The following GATB variants were observed in gnomAD, a reference collection of about 807,000 sequenced individuals.
The protein encoded by GATB is glutamyl-tRNA(Gln) amidotransferase subunit B, mitochondrial.
Under a neutral mutation model 62.3 loss-of-function variants are expected in GATB, and 39 were observed. The observed-to-expected ratio is 0.63, with a 90% confidence interval of 0.48 to 0.82. GATB has a LOEUF of 0.82. Ranked by LOEUF, GATB falls within the 40% of genes least tolerant of loss-of-function variation. GATB has a pLI of 0.00. For synonymous variants in GATB, 276 were observed against 258.9 expected (o/e 1.07, Z -0.63); for missense variants, 670 against 684.0 (o/e 0.98, Z 0.23).
chr4:151,707,862 C>A, intron 6 of GATB, 126 bp downstream of exon 6: 1 of 651,838 alleles, frequency 1.5e-6, no homozygotes, highest in East Asian at 2.8e-5. Flanking sequence ...GACACAGGAC[C>A]AACAGAACGG....
chr4:151,686,416 G>C (rs12647586), intron 10 of GATB, among the ~76,000 whole-genome samples: 63,321 of 151,750 alleles, frequency 0.42, 13,689 homozygotes, highest in South Asian at 0.57. Flanking sequence ...GCAAACAACT[G>C]TTGGGAGTTA....
chr4:151,671,051 G>T lies in GATB; in HGVS notation c.*123C>A. 1 of 1,112,654 alleles carries T rather than the reference G, an allele frequency of 9.0e-7. No homozygotes were observed. Among genetic ancestry groups the T allele is most frequent in the Non-Finnish European group, 1.3e-6 (1 of 755,458 alleles). 68.9% of individuals were successfully genotyped at this position (1,112,654 alleles called of 1,614,324 possible). ...CTGGTGACATTAATGCCATAGCTGT[G>T]GCTTGGGACAGGGATTGAGAGGCAG... On this transcript the variant is annotated 3_prime_UTR_variant, in exon 13 of 13. Transcript: ENST00000263985.
intron 11 of GATB, chr4:151,676,153 G>T (rs182222793): frequency 6.6e-6 from 1 of 152,142 alleles, no homozygotes; most frequent in South Asian, 2.1e-4. Context: ...CTAATAAAGC[G>T]GGGCCCAGTA....
At chr4:151,697,937 ATGTG>A (rs149235830) in intron 9 of GATB, among the ~76,000 whole-genome samples, 1,305 of 55,502 alleles carry the variant, frequency 0.024, 120 homozygotes, top group South Asian at 0.084. Flanking sequence ...TTTCATATAT[ATGTG>A]TGTGTGTGTG....
At chr4:151,691,297 T>C (rs28483174) in intron 9 of GATB, among the ~76,000 whole-genome samples, 28,902 of 152,086 alleles carry the variant, frequency 0.19, 4,017 homozygotes, top group African/African-American at 0.4. Flanking sequence ...AGAGTCAAGT[T>C]CCCTGGCTGA....
chr4:151,760,969 A>G lies in GATB; in HGVS notation c.14T>C (p.Met5Thr), dbSNP rs755794629. Residue 5 changes from methionine to threonine, a missense_variant, in exon 1 of 13, where the codon ATG becomes ACG. Transcript: ENST00000263985. MAAP[M>T]LRWGCRGRRW... Reference sequence around the variant, plus strand: ...TCTTCCACGGCAGCCCCAGCGCAGCATGGGCGCCGCCATTGTAACTCCAGG... The same window carrying G: ...TCTTCCACGGCAGCCCCAGCGCAGCGTGGGCGCCGCCATTGTAACTCCAGG... 5 of 1,611,106 alleles carry G rather than the reference A, an allele frequency of 3.1e-6. No individual in the cohort carries two copies. In the South Asian group the frequency reaches 3.3e-5, roughly 11 times the overall value.
At chr4:151,684,069 T>A (rs910736223) in intron 10 of GATB, among the ~76,000 whole-genome samples, 3 of 152,096 alleles carry the variant, frequency 2.0e-5, no homozygotes, top group Non-Finnish European at 4.4e-5. Context: ...GCTCAACAGG[T>A]TTCCAATGCC....
chr4:151,709,398 C>T (rs1242985690), intron 5 of GATB, among the ~76,000 whole-genome samples: 1 of 152,212 alleles, frequency 6.6e-6, no homozygotes, highest in African/African-American at 2.4e-5. Context: ...ACTGACTTCT[C>T]AACACTTTTA....
chr4:151,705,732 C>A lies in GATB; in HGVS notation c.878-463G>T, dbSNP rs142295780. ...CATTTACATTATCTTTTCAGAGGGA[C>A]CCACGACCCCAAATGATTAAGATCC... On this transcript the variant is annotated intron_variant, in intron 6 of 12. Coordinates refer to ENST00000263985, the MANE Select transcript of GATB (RefSeq NM_004564.3). 7.9e-5 allele frequency among the ~76,000 whole-genome samples: 12 copies of A among 152,302 alleles called. No individual in the cohort carries two copies. The East Asian group carries it at 2.3e-3, about 29-fold the overall frequency.
At chr4:151,679,231 C>A (rs1351795396) in intron 11 of GATB, among the ~76,000 whole-genome samples, 1 of 152,194 alleles carries the variant, frequency 6.6e-6, no homozygotes, top group Non-Finnish European at 1.5e-5. Context: ...CTGAATTCCA[C>A]GAGTCTGTCA....
intron 2 of GATB, chr4:151,722,973 C>T (rs1015798541): frequency 1.3e-5 from 2 of 152,164 alleles, no homozygotes; most frequent in Non-Finnish European, 2.9e-5. Flanking sequence ...GTGTGTGATA[C>T]GATCAAGATG....
chr4:151,672,097 G>A (rs890135800), intron 12 of GATB, among the ~76,000 whole-genome samples: 1 of 152,180 alleles, frequency 6.6e-6, no homozygotes, highest in African/African-American at 2.4e-5. Context: ...CAAGCTGATG[G>A]GTGGGTGGGT....
At chr4:151,712,562 ACAG>A (rs1738838852) in intron 5 of GATB, among the ~76,000 whole-genome samples, 1 of 152,200 alleles carries the variant, frequency 6.6e-6, no homozygotes, top group Non-Finnish European at 1.5e-5. Context: ...GTTTCTGCAA[ACAG>A]CAGGGGCCCA....
At chr4:151,688,164 T>C (rs1318127527) in intron 10 of GATB, among the ~76,000 whole-genome samples, 1 of 152,072 alleles carries the variant, frequency 6.6e-6, no homozygotes, top group Non-Finnish European at 1.5e-5. Context: ...GATCTGTCCC[T>C]CCCACTGCAG....
chr4:151,711,418 G>C (rs1185849206), intron 5 of GATB, among the ~76,000 whole-genome samples: 1 of 152,166 alleles, frequency 6.6e-6, no homozygotes, highest in Non-Finnish European at 1.5e-5. Flanking sequence ...TGATGCCACT[G>C]CTCCTTCTGC....
chr4:151,755,482 G>C (rs1032037342), intron 2 of GATB, among the ~76,000 whole-genome samples: 3 of 152,134 alleles, frequency 2.0e-5, no homozygotes, highest in African/African-American at 4.8e-5. Flanking sequence ...TATTTTCCAA[G>C]GACAGATTCC....
At chr4:151,706,097 G>A (rs907429403) in intron 6 of GATB, among the ~76,000 whole-genome samples, 1 of 152,162 alleles carries the variant, frequency 6.6e-6, no homozygotes, top group Non-Finnish European at 1.5e-5. Flanking sequence ...ACAGCAAAAC[G>A]TGTCAGTTTT....
intron 12 of GATB, among the ~76,000 whole-genome samples, chr4:151,672,145 C>T (rs1737884446): frequency 6.6e-6 from 1 of 152,056 alleles, no homozygotes; most frequent in Non-Finnish European, 1.5e-5. Flanking sequence ...TTTTTCCCCA[C>T]TGAAAAAATA....
chr4:151,732,907 A>G (rs1431158203), intron 2 of GATB, among the ~76,000 whole-genome samples: 1 of 152,002 alleles, frequency 6.6e-6, no homozygotes, highest in Non-Finnish European at 1.5e-5. Flanking sequence ...CTTTGGACAC[A>G]CTTTTATAAC....
Sources: gnomAD v4.1 joint callset for allele counts (sites outside exome capture counted in the v4.1 genomes callset) on GRCh38, gnomAD v4.1.1 for gene constraint, MANE v1.5 for transcripts, NCBI Gene and HGNC (gene_info 2026-07-23, HGNC 2026-07-21) for gene names.